The following SERGEF variants were observed in gnomAD, a reference collection of about 807,000 sequenced individuals.
The protein encoded by SERGEF is secretion-regulating guanine nucleotide exchange factor.
In SERGEF, 51 loss-of-function variants were observed where a neutral mutation model predicts 50.0. That is an observed-to-expected ratio of 1.02 (90% CI 0.81 to 1.29). SERGEF has a LOEUF of 1.29. Among genes scored for constraint, SERGEF ranks in the 50% most tolerant of loss-of-function variants. The pLI is 0.00. For synonymous variants in SERGEF, 205 were observed against 212.4 expected (o/e 0.97, Z 0.30); for missense variants, 521 against 557.0 (o/e 0.94, Z 0.65).
At chr11:17,925,230 GGTCCC>G (rs1852229539) in intron 9 of SERGEF, among the ~76,000 whole-genome samples, 1 of 138,882 alleles carries the variant, frequency 7.2e-6, no homozygotes, top group Non-Finnish European at 1.5e-5. Context: ...AAGTCTCTAA[GGTCCC>G]AGAAGTCCAT....
Position 17,910,090 on chromosome 11 carries a change from G to C in SERGEF, c.1012-31846C>G, listed in dbSNP as rs117152260. 9.8e-4 allele frequency among the ~76,000 whole-genome samples: 148 copies of C among 151,112 alleles called. 1 individual carries two copies. Among genetic ancestry groups the C allele is most frequent in the Admixed American group, 1.7e-3 (26 of 15,190 alleles). ...AGGTCAGGGTCCAAACTTGGATCAA[G>C]GGGTTAAAGGAGGCCTACAGTTCCC... On this transcript the variant is annotated intron_variant, in intron 9 of 10. Transcript: ENST00000265965.
At chr11:17,810,330 C>T (rs1030696850) in intron 10 of SERGEF, among the ~76,000 whole-genome samples, 2 of 152,228 alleles carry the variant, frequency 1.3e-5, no homozygotes, top group African/African-American at 4.8e-5. Flanking sequence ...TATCCTCACA[C>T]CTCCCCATCC....
chr11:17,859,518 A>G (rs1017314318), intron 10 of SERGEF, among the ~76,000 whole-genome samples: 1 of 152,206 alleles, frequency 6.6e-6, no homozygotes, highest in Admixed American at 6.5e-5. Flanking sequence ...TAAGGAAAAA[A>G]TTGTAAAACA....
intron 10 of SERGEF, among the ~76,000 whole-genome samples, chr11:17,795,909 G>C (rs1051616256): frequency 6.6e-6 from 1 of 152,166 alleles, no homozygotes; most frequent in African/African-American, 2.4e-5. Flanking sequence ...CAAAAGACTG[G>C]GGGGCTTCAA....
intron 9 of SERGEF, among the ~76,000 whole-genome samples, chr11:17,902,475 G>C (rs886607315): frequency 6.6e-6 from 1 of 152,162 alleles, no homozygotes; most frequent in Admixed American, 6.5e-5. Flanking sequence ...GAGTTGGTGA[G>C]TGCAGATGAA....
intron 10 of SERGEF, among the ~76,000 whole-genome samples, chr11:17,824,076 C>A (rs1850135727): frequency 6.6e-6 from 1 of 152,078 alleles, no homozygotes. Flanking sequence ...CCGAGGCGGG[C>A]GGATCACGAC....
intron 10 of SERGEF, among the ~76,000 whole-genome samples, chr11:17,814,795 TCTC>T (rs1849934498): frequency 6.6e-6 from 1 of 152,198 alleles, no homozygotes; most frequent in African/African-American, 2.4e-5. Context: ...TCCTCTGAGT[TCTC>T]CTTCTCCTTG....
chr11:17,944,699 C>T (rs1247823263), intron 9 of SERGEF, among the ~76,000 whole-genome samples: 1 of 152,182 alleles, frequency 6.6e-6, no homozygotes, highest in African/African-American at 2.4e-5. Context: ...AGATTCAATT[C>T]TCTTCTGAGC....
At chr11:17,795,251 C>A (rs929301732) in intron 10 of SERGEF, among the ~76,000 whole-genome samples, 2 of 152,158 alleles carry the variant, frequency 1.3e-5, no homozygotes, top group South Asian at 4.1e-4. Flanking sequence ...TTTAGCCACC[C>A]AAGCTCATAG....
intron 8 of SERGEF, among the ~76,000 whole-genome samples, chr11:17,967,880 T>A (rs541555885): frequency 2.0e-5 from 3 of 152,238 alleles, no homozygotes; most frequent in Non-Finnish European, 4.4e-5. Flanking sequence ...CCTGCAATGC[T>A]GGTCAGCCTG....
intron 9 of SERGEF, among the ~76,000 whole-genome samples, chr11:17,928,446 G>A (rs1233554529): frequency 6.6e-6 from 1 of 152,138 alleles, no homozygotes; most frequent in African/African-American, 2.4e-5. Context: ...ATATTTAGTG[G>A]TGAAGACTCC....
chr11:17,975,936 A>G lies in SERGEF; in HGVS notation c.844+12661T>C, dbSNP rs151254449. On this transcript the variant is annotated intron_variant, in intron 8 of 10. Transcript: ENST00000265965. ...GAATGCCCTCCCCTCACTTCTGCCT[A>G]TGCAACAAATATTTGTTGAACAAAT... Among the ~76,000 whole-genome samples the G allele has an allele frequency of 9.2e-4, 140 of 152,286 alleles. 1 individual carries two copies. Among genetic ancestry groups the G allele is most frequent in the African/African-American group, 3.2e-3 (134 of 41,558 alleles).
intron 8 of SERGEF, among the ~76,000 whole-genome samples, chr11:17,966,742 T>G (rs548699908): frequency 1.3e-5 from 2 of 152,206 alleles, no homozygotes; most frequent in Admixed American, 6.5e-5. Flanking sequence ...GGTTTGGAAT[T>G]TTTTTAAGTT....
At chr11:17,872,845 T>C (rs777225441) in intron 10 of SERGEF, among the ~76,000 whole-genome samples, 2 of 152,126 alleles carry the variant, frequency 1.3e-5, no homozygotes, top group South Asian at 4.1e-4. Flanking sequence ...TATGGAAAGA[T>C]CTCCCAGAAA....
chr11:17,905,995 A>G (rs1337119097), intron 9 of SERGEF, among the ~76,000 whole-genome samples: 1 of 151,908 alleles, frequency 6.6e-6, no homozygotes, highest in East Asian at 1.9e-4. Flanking sequence ...TCTTCCCTTC[A>G]TTTCTTCCTG....
chr11:17,922,060 A>G (rs1232154687), intron 9 of SERGEF, among the ~76,000 whole-genome samples: 1 of 152,138 alleles, frequency 6.6e-6, no homozygotes, highest in African/African-American at 2.4e-5. Flanking sequence ...GATGGGAGAG[A>G]TTTCTCTTTA....
intron 9 of SERGEF, among the ~76,000 whole-genome samples, chr11:17,918,512 C>T (rs1852089359): frequency 6.6e-6 from 1 of 152,134 alleles, no homozygotes; most frequent in African/African-American, 2.4e-5. Flanking sequence ...TTCATTCCCT[C>T]ATTCAAAGAT....
chr11:17,962,355 T>C (rs1325738643), intron 8 of SERGEF, among the ~76,000 whole-genome samples: 3 of 151,752 alleles, frequency 2.0e-5, no homozygotes, highest in African/African-American at 7.3e-5. Context: ...AAAAAAACAA[T>C]GAATCCACAT....
intron 10 of SERGEF, among the ~76,000 whole-genome samples, chr11:17,824,952 C>T (rs1850164336): frequency 6.6e-6 from 1 of 152,198 alleles, no homozygotes; most frequent in Admixed American, 6.5e-5. Flanking sequence ...TTTCCGATGT[C>T]TAGCAATGTG....
Sources: gnomAD v4.1 joint callset for allele counts (sites outside exome capture counted in the v4.1 genomes callset) on GRCh38, gnomAD v4.1.1 for gene constraint, MANE v1.5 for transcripts, NCBI Gene and HGNC (gene_info 2026-07-23, HGNC 2026-07-21) for gene names.